The following EEF2KMT variants were observed in gnomAD, a reference collection of about 807,000 sequenced individuals.
EEF2KMT encodes the protein eukaryotic elongation factor 2 lysine methyltransferase.
In EEF2KMT, 30 loss-of-function variants were observed where a neutral mutation model predicts 35.1. That is an observed-to-expected ratio of 0.85 (90% confidence interval 0.64 to 1.16). EEF2KMT has a LOEUF of 1.16. Among genes scored for constraint, EEF2KMT ranks in the 50% most tolerant of loss-of-function variants. The pLI is 0.00. For missense variants in EEF2KMT, 499 were observed against 438.2 expected (o/e 1.14, Z -1.24); for synonymous variants, 190 against 187.7 (o/e 1.01, Z -0.10).
At chr16:5,092,341 C>A (rs963836983) in intron 3 of EEF2KMT, among the ~76,000 whole-genome samples, 82 of 152,250 alleles carry the variant, frequency 5.4e-4, no homozygotes, top group African/African-American at 1.8e-3. Flanking sequence ...TTAAGTGAGC[C>A]CAGGCAGAAG....
intron 7 of EEF2KMT, 23 bp downstream of exon 7, chr16:5,089,084 C>T: frequency 1.9e-6 from 3 of 1,611,818 alleles, no homozygotes; most frequent in Non-Finnish European, 2.5e-6. Context: ...ACCATGCAGG[C>T]CCGGGTGGGC....
intron 7 of EEF2KMT, among the ~76,000 whole-genome samples, 194 bp from the exon 8 acceptor site, chr16:5,085,926 T>C (rs1287937228): frequency 6.6e-6 from 1 of 152,168 alleles, no homozygotes; most frequent in African/African-American, 2.4e-5. Flanking sequence ...TGGTTTTGCA[T>C]AGAAATGGCT....
chr16:5,087,723 G>A (rs1957229369), intron 7 of EEF2KMT, among the ~76,000 whole-genome samples: 1 of 150,570 alleles, frequency 6.6e-6, no homozygotes, highest in Non-Finnish European at 1.5e-5. Context: ...GCTTGAACCT[G>A]GGAGGTGGGA....
At chr16:5,093,154 G>A (rs970047960) in intron 3 of EEF2KMT, among the ~76,000 whole-genome samples, 1 of 152,200 alleles carries the variant, frequency 6.6e-6, no homozygotes, top group Non-Finnish European at 1.5e-5. Context: ...ACCCTTCAGC[G>A]GGCAGGACAG....
At chr16:5,086,636 A>G (rs1193591789) in intron 7 of EEF2KMT, 1 of 151,756 alleles carries the variant, frequency 6.6e-6, no homozygotes, top group Non-Finnish European at 1.5e-5. Flanking sequence ...TGGGGTCCTG[A>G]ACGCATGGCC....
At chr16:5,089,053 T>G in intron 7 of EEF2KMT, 54 bp downstream of exon 7, 1 of 1,609,546 alleles carries the variant, frequency 6.2e-7, no homozygotes, top group Non-Finnish European at 8.5e-7. Context: ...TCCACTGGCG[T>G]CCTGCAGGGA....
chr16:5,097,362 AGTC>A (rs1957492880), intron 1 of EEF2KMT: 1 of 1,462,938 alleles, frequency 6.8e-7, no homozygotes, highest in Non-Finnish European at 9.1e-7. Flanking sequence ...GCCTTTAAAA[AGTC>A]GTGAAAATGA....
chr16:5,088,986 C>A, intron 7 of EEF2KMT, 121 bp downstream of exon 7: 1 of 1,591,712 alleles, frequency 6.3e-7, no homozygotes, highest in Non-Finnish European at 8.5e-7. Context: ...TGAGTTCCCC[C>A]CATGGTGTGG....
chr16:5,086,719 G>A (rs1304378809), intron 7 of EEF2KMT: 1 of 152,224 alleles, frequency 6.6e-6, no homozygotes, highest in African/African-American at 2.4e-5. Flanking sequence ...TCCCCAGGCT[G>A]GAGTGCAGTG....
At chr16:5,087,310 T>G (rs1394700831) in intron 7 of EEF2KMT, 1 of 152,226 alleles carries the variant, frequency 6.6e-6, no homozygotes, top group Non-Finnish European at 1.5e-5. Flanking sequence ...TATATGTATA[T>G]TCTAGGTTTT....
intron 7 of EEF2KMT, 34 bp from the exon 8 acceptor site, chr16:5,085,766 G>A (rs778931362): frequency 2.0e-6 from 3 of 1,518,622 alleles, no homozygotes; most frequent in Non-Finnish European, 2.7e-6. Context: ...GAGGATGGCG[G>A]TGTTTGGGGA....
rs961360330 is a variant in EEF2KMT at position 5,093,652 on chromosome 16, C to G, written c.160-88G>C. On this transcript the variant is annotated intron_variant, in intron 2 of 7. Coordinates refer to ENST00000427587, the MANE Select transcript of EEF2KMT (RefSeq NM_201400.4). ...AGCCAACACAGCAGAGGGCAAACTC[C>G]AGGCTACCCGATCCCTCAGCAAAGA... 3 of 1,587,820 alleles carry G rather than the reference C, an allele frequency of 1.9e-6. No individual in the cohort carries two copies. The East Asian group carries it at 6.8e-5, about 36-fold the overall frequency.
chr16:5,090,723 G>A lies in EEF2KMT; in HGVS notation c.343-158C>T, dbSNP rs1431827324. On this transcript the variant is annotated intron_variant, in intron 4 of 7. Transcript: ENST00000427587. This position sits in a 1 kb window ranked among gnomAD's most constrained non-coding sequence, Gnocchi z 4.1. ...CTGTTGGCATGCCAACAGCTTTCAC[G>A]GGCCTCAAGGGTGTCACGCGGTGTG... Among the ~76,000 whole-genome samples the A allele has an allele frequency of 1.3e-5, 2 of 151,986 alleles. No homozygotes were observed. Among genetic ancestry groups the A allele is most frequent in the African/African-American group, 2.4e-5 (1 of 41,368 alleles).
rs144582297 is a variant in EEF2KMT, at chr16:5,090,287, C to T, written c.539G>A (p.Arg180His). 1.7e-4 allele frequency: 279 copies of T among 1,611,714 alleles called. 1 individual carries two copies. The African/African-American group carries it at 3.4e-3, about 19-fold the overall frequency. Reference protein sequence around the residue: ...LTGLAICKMCRPRAYIFSDCH... With the variant: ...LTGLAICKMCHPRAYIFSDCH... Reference sequence around the variant, plus strand: ...GTCGCTGAAGATGTATGCCCGGGGGCGGCACATCTTGCAGATGGCCAGGCC... The same window carrying T: ...GTCGCTGAAGATGTATGCCCGGGGGTGGCACATCTTGCAGATGGCCAGGCC... Residue 180 changes from arginine (R) to histidine (H), a missense_variant, in exon 6 of 8, where the codon CGC (arginine) becomes CAC (histidine). By Grantham distance (29) the Arg-to-His change is conservative. Coordinates refer to ENST00000427587, the MANE Select transcript of EEF2KMT (RefSeq NM_201400.4). This position sits in a 1 kb window ranked among gnomAD's most constrained non-coding sequence, Gnocchi z 4.1.
In EEF2KMT at chr16:5,097,679, G is replaced by C. The variant is rs779580996; in HGVS notation, c.61C>G (p.Leu21Val). The C allele has an allele frequency of 3.2e-5, 51 of 1,580,426 alleles. No homozygotes were observed. The highest frequency in any genetic ancestry group is 2.4e-4 in the African/African-American group (18 of 74,446). Residue 21 changes from leucine (L) to valine (V), a missense_variant, in exon 1 of 8, where the codon CTG (leucine) becomes GTG (valine). Leu to Val is a conservative substitution (Grantham distance 32). Coordinates refer to ENST00000427587, the MANE Select transcript of EEF2KMT (RefSeq NM_201400.4). Reference protein sequence around the residue: ...LLLQSFERRFLAARTLRSFPW... With the variant: ...LLLQSFERRFVAARTLRSFPW... ...AAGGAGCGCAGTGTGCGTGCCGCCA[G>C]GAAGCGGCGCTCGAAACTCTGCAGC...
At chr16:5,096,058 C>T (rs759692328) in intron 1 of EEF2KMT, among the ~76,000 whole-genome samples, 31 of 152,044 alleles carry the variant, frequency 2.0e-4, no homozygotes, top group Non-Finnish European at 3.5e-4. Flanking sequence ...TTCTCCCTCA[C>T]CCCTGGCCCA....
chr16:5,095,259 G>A, intron 2 of EEF2KMT, 193 bp downstream of exon 2: 1 of 713,238 alleles, frequency 1.4e-6, no homozygotes, highest in Non-Finnish European at 2.3e-6. Flanking sequence ...CTTTGTCTAA[G>A]TCTTAAATAG....
rs567049749 is a variant in EEF2KMT, at chr16:5,089,087, G to T, written c.892+20C>A. ...GACAGCTCAGGGACCATGCAGGCCC[G>T]GGTGGGCGTGGAGGCTCACCTAGCT... On this transcript the variant is annotated intron_variant, in intron 7 of 7. Transcript: ENST00000427587. The T allele has an allele frequency of 6.2e-7, 1 of 1,611,914 alleles. No individual in the cohort carries two copies. The highest frequency in any genetic ancestry group is 8.5e-7 in the Non-Finnish European group (1 of 1,179,770).
In EEF2KMT at chr16:5,091,948, T is replaced by C. The variant is rs1444482236; in HGVS notation, c.241-53A>G. The C allele has an allele frequency of 3.1e-6, 5 of 1,607,258 alleles. No individual in the cohort carries two copies. The Admixed American group carries it at 5.1e-5, about 16-fold the overall frequency. ...TTGCTTTCGTTCTAATCTGTAAAAA[T>C]GGCCAGATGATTTTCACCAAGTTTG... On this transcript the variant is annotated intron_variant, in intron 3 of 7. Transcript: ENST00000427587.
Sources: gnomAD v4.1 joint callset for allele counts (sites outside exome capture counted in the v4.1 genomes callset) on GRCh38, gnomAD v4.1.1 for gene constraint, Gnocchi (gnomAD v3.1) non-coding constraint, MANE v1.5 for transcripts, NCBI Gene and HGNC (gene_info 2026-07-23, HGNC 2026-07-21) for gene names.